Variants in NEK1 observed in about 807,000 individuals in gnomAD.
NEK1 encodes serine/threonine-protein kinase Nek1.
Under a neutral mutation model 182.1 loss-of-function variants are expected in NEK1, and 137 were observed. That is an observed-to-expected ratio of 0.75 (90% CI 0.65 to 0.87). The LOEUF is 0.87. NEK1 is among the 40% of genes least tolerant of loss of function. The pLI is 0.00. For synonymous variants in NEK1, 513 were observed against 492.2 expected, an observed-to-expected ratio of 1.04 and a Z score of -0.56; for missense variants, 1,391 against 1,494.4, an observed-to-expected ratio of 0.93 and a Z score of 1.14.
intron 27 of NEK1, among the ~76,000 whole-genome samples, chr4:169,445,865 T>TATATACACACACAC (rs569539235): frequency 1.1e-3 from 154 of 143,270 alleles, no homozygotes; most frequent in East Asian, 3.2e-3. Context: ...TATATATATA[T>TATATACACACACAC]ACACACACAC....
At chr4:169,455,173 G>C (rs903739456) in intron 27 of NEK1, among the ~76,000 whole-genome samples, 2 of 152,188 alleles carry the variant, frequency 1.3e-5, no homozygotes, top group African/African-American at 4.8e-5. Context: ...ACTGGGGCAT[G>C]TTGGGGGGTT....
Position 169,605,473 on chromosome 4 carries a change from AG to A in NEK1, c.-48-2796del, listed in dbSNP as rs1359700271. ...GTCAGTGTACAATAAAGGAAGTAAA[AG>A]GGAAAACATGAAAAAATAGATTACT... On this transcript the variant is annotated intron_variant, in intron 2 of 35. Coordinates refer to ENST00000507142, the MANE Select transcript of NEK1 (RefSeq NM_001199397.3). 3.9e-5 allele frequency among the ~76,000 whole-genome samples: 6 copies of A among 152,336 alleles called. No homozygotes were observed. The East Asian group carries it at 1.2e-3, about 29-fold the overall frequency.
chr4:169,513,561 C>A (rs1754549473), intron 19 of NEK1, among the ~76,000 whole-genome samples: 1 of 152,132 alleles, frequency 6.6e-6, no homozygotes, highest in Non-Finnish European at 1.5e-5. Flanking sequence ...CTGTATGCCC[C>A]TTCTTGCTTT....
chr4:169,478,896 T>A (rs924464522), intron 24 of NEK1, among the ~76,000 whole-genome samples: 26 of 152,168 alleles, frequency 1.7e-4, no homozygotes, highest in African/African-American at 5.5e-4. Context: ...TGTTTTACTA[T>A]CTGTAGGGCA....
intron 18 of NEK1, among the ~76,000 whole-genome samples, chr4:169,551,587 G>A (rs1192488210): frequency 1.3e-5 from 2 of 152,006 alleles, no homozygotes; most frequent in Non-Finnish European, 2.9e-5. Flanking sequence ...AATTTAAAAA[G>A]ATAAAAATTT....
chr4:169,465,895 T>C (rs558698969), intron 26 of NEK1, among the ~76,000 whole-genome samples: 8 of 152,114 alleles, frequency 5.3e-5, no homozygotes, highest in Admixed American at 4.6e-4. Context: ...AGAATATTTA[T>C]AGAAATACAA....
At chr4:169,413,524 C>T (rs75850691) in intron 31 of NEK1, among the ~76,000 whole-genome samples, 7,655 of 152,248 alleles carry the variant, frequency 0.05, 238 homozygotes, top group Non-Finnish European at 0.081. Flanking sequence ...GCAGGAAGTA[C>T]TTCACCACAG....
At chr4:169,586,002 A>T (rs1170096561) in intron 9 of NEK1, among the ~76,000 whole-genome samples, 1 of 152,130 alleles carries the variant, frequency 6.6e-6, no homozygotes, top group Non-Finnish European at 1.5e-5. Flanking sequence ...TAAAACTACT[A>T]ATACTTTCCT....
At chr4:169,582,365 A>G (rs1458915183) in intron 10 of NEK1, among the ~76,000 whole-genome samples, 1 of 152,182 alleles carries the variant, frequency 6.6e-6, no homozygotes, top group Non-Finnish European at 1.5e-5. Context: ...GTCAGGCTCC[A>G]CTTCAAAATT....
chr4:169,593,740 G>A (rs1768937579), intron 5 of NEK1, among the ~76,000 whole-genome samples: 1 of 152,168 alleles, frequency 6.6e-6, no homozygotes, highest in Admixed American at 6.5e-5. Flanking sequence ...TGTAATCCCA[G>A]CACTTTGGGA....
At chr4:169,443,056 T>TATCC (rs1739805847) in intron 27 of NEK1, among the ~76,000 whole-genome samples, 1 of 113,080 alleles carries the variant, frequency 8.8e-6, no homozygotes, top group Admixed American at 8.8e-5. Flanking sequence ...ATATTTTATC[T>TATCC]ATCTATCTAT....
In NEK1 at chr4:169,406,652, T is replaced by C. The variant is rs982458744; in HGVS notation, c.3318A>G (p.Glu1106=). The C allele has an allele frequency of 1.2e-6, 2 of 1,608,642 alleles. No individual in the cohort carries two copies. Among genetic ancestry groups the C allele is most frequent in the African/African-American group, 2.7e-5 (2 of 74,738 alleles). The stretch of plus-strand genomic sequence containing the variant: ...TGTTTTCATCTTCAATTTCATCTAT[T>C]TCAAGATTGTCTTGACGAACATCTC... The part of the protein sequence containing the change: ...TVGDVRQDNL[E]IDEIEDENIK... Residue 1106 remains glutamate (E), a synonymous_variant, in exon 32 of 36, where the codon GAA becomes GAG. Transcript: ENST00000507142.
At position 169,504,816 on chromosome 4, in the gene NEK1, C is replaced by T. The variant is rs77128851; in HGVS notation, c.2007+2221G>A. 9.1e-3 allele frequency among the ~76,000 whole-genome samples: 1,391 copies of T among 152,114 alleles called. 25 individuals carry two copies. The highest frequency in any genetic ancestry group is 0.032 in the African/African-American group (1,310 of 41,490). The stretch of plus-strand genomic sequence containing the variant: ...TAAGATTCAGTATTTGATAGCACAA[C>T]AGGGTGAATATAGTCAACAATAATT... On this transcript the variant is annotated intron_variant, in intron 23 of 35. Transcript: ENST00000507142.
At position 169,585,558 on chromosome 4, in the gene NEK1, C is replaced by T; in HGVS notation, c.607-9G>A. 1 of 1,579,208 alleles carries T rather than the reference C, an allele frequency of 6.3e-7. No individual in the cohort carries two copies. The highest frequency in any genetic ancestry group is 8.7e-7 in the Non-Finnish European group (1 of 1,152,670). On this transcript the variant is annotated splice_polypyrimidine_tract_variant and intron_variant, in intron 9 of 35. Transcript: ENST00000507142. ...ATACTGCCAGCTTCAAACTAAATTC[C>T]AGAAAATAAATAACATATAGGAAAC...
At chr4:169,488,860 CA>C (rs1749532050) in intron 23 of NEK1, among the ~76,000 whole-genome samples, 1 of 151,852 alleles carries the variant, frequency 6.6e-6, no homozygotes, top group Non-Finnish European at 1.5e-5. Context: ...TAACTTTAAT[CA>C]ATTTTTTTTT....
At chr4:169,493,597 A>G (rs1429173410) in intron 23 of NEK1, among the ~76,000 whole-genome samples, 1 of 152,230 alleles carries the variant, frequency 6.6e-6, no homozygotes, top group Non-Finnish European at 1.5e-5. Context: ...CAAAGAACCA[A>G]ACAGAACTTT....
At chr4:169,567,249 CTACT>C (rs972337150) in intron 12 of NEK1, among the ~76,000 whole-genome samples, 2 of 151,262 alleles carry the variant, frequency 1.3e-5, no homozygotes, top group Admixed American at 6.6e-5. Context: ...CTTTTTTTTC[CTACT>C]TACTTTTTCT....
At chr4:169,475,629 C>CTTGT (rs1421272249) in intron 26 of NEK1, among the ~76,000 whole-genome samples, 1 of 152,080 alleles carries the variant, frequency 6.6e-6, no homozygotes, top group Non-Finnish European at 1.5e-5. Flanking sequence ...GGAGAAAAGG[C>CTTGT]AATCAATAAA....
At chr4:169,558,757 AG>A (rs1327039682) in intron 16 of NEK1, among the ~76,000 whole-genome samples, 4 of 152,238 alleles carry the variant, frequency 2.6e-5, no homozygotes, top group Non-Finnish European at 2.9e-5. Flanking sequence ...AAAACAAAGA[AG>A]GTCCAGATTT....
Sources: gnomAD v4.1 joint callset for allele counts (sites outside exome capture counted in the v4.1 genomes callset) on GRCh38, gnomAD v4.1.1 for gene constraint, MANE v1.5 for transcripts, NCBI Gene and HGNC (gene_info 2026-07-23, HGNC 2026-07-21) for gene names.